NECAB1: variants seen among roughly 807,000 people sequenced by gnomAD.
The protein encoded by NECAB1 is N-terminal EF-hand calcium binding protein 1, also known as N-terminal EF-hand calcium-binding protein 1.
NECAB1 carries 29 observed loss-of-function variants against 57.5 expected under a neutral mutation model. That is an observed-to-expected ratio of 0.50 (90% CI 0.38 to 0.69). The LOEUF (loss-of-function observed/expected upper bound fraction) is 0.69, where lower values mean the gene tolerates loss of function less well. Ranked by LOEUF, NECAB1 falls within the 30% of genes least tolerant of loss-of-function variation. The pLI is 0.00. For synonymous variants in NECAB1, 142 were observed against 147.7 expected, an observed-to-expected ratio of 0.96 and a Z score of 0.28; for missense variants, 372 against 413.8, an observed-to-expected ratio of 0.90 and a Z score of 0.88.
At chr8:90,832,597 T>A (rs1216455369) in intron 3 of NECAB1, among the ~76,000 whole-genome samples, 1 of 152,164 alleles carries the variant, frequency 6.6e-6, no homozygotes, top group East Asian at 1.9e-4. Context: ...AAGGAAATGC[T>A]TAATTTCTAA....
intron 2 of NECAB1, among the ~76,000 whole-genome samples, chr8:90,802,952 A>T (rs7819690): frequency 3.9e-5 from 6 of 151,932 alleles, no homozygotes; most frequent in Admixed American, 3.9e-4. Context: ...ACTGGAGTGC[A>T]GTGGTGGGAT....
intron 5 of NECAB1, among the ~76,000 whole-genome samples, chr8:90,883,034 T>A (rs2931244): frequency 1.5e-4 from 23 of 152,302 alleles, no homozygotes; most frequent in African/African-American, 5.3e-4. Flanking sequence ...AAACAAGTTA[T>A]ATAATCTTCT....
At chr8:90,949,146 T>TTGTGTGTGTGTGTGTG (rs59311652) in intron 10 of NECAB1, among the ~76,000 whole-genome samples, 2 of 129,968 alleles carry the variant, frequency 1.5e-5, no homozygotes, top group African/African-American at 2.9e-5. Context: ...AACAGGCACT[T>TTGTGTGTGTGTGTGTG]TGTGTGTGTG....
At chr8:90,946,956 A>G (rs1171163057) in intron 10 of NECAB1, among the ~76,000 whole-genome samples, 1 of 152,166 alleles carries the variant, frequency 6.6e-6, no homozygotes, top group East Asian at 1.9e-4. Flanking sequence ...GGAGAGTACT[A>G]TTTGGGGAGG....
At chr8:90,942,049 T>A (rs1810682504) in intron 10 of NECAB1, among the ~76,000 whole-genome samples, 1 of 152,200 alleles carries the variant, frequency 6.6e-6, no homozygotes, top group Non-Finnish European at 1.5e-5. Flanking sequence ...GCTTTTCCTC[T>A]CAGTGTTCAA....
chr8:90,886,783 A>G (rs1485700361), intron 5 of NECAB1, among the ~76,000 whole-genome samples: 1 of 151,994 alleles, frequency 6.6e-6, no homozygotes, highest in African/African-American at 2.4e-5. Flanking sequence ...CTTTTATTGG[A>G]ATTTTCATTA....
rs1812022415 is a variant in NECAB1, at chr8:90,814,360, T to A, written c.125-10357T>A. On this transcript the variant is annotated intron_variant, in intron 2 of 12. Coordinates refer to ENST00000417640, the MANE Select transcript of NECAB1 (RefSeq NM_022351.5). ...GCTGAGGTAGCATTTGTCAGCTTTCTCCACTGGAAAGTTTACTCTTTCACC... is the reference window on the plus strand; with the variant it reads ...GCTGAGGTAGCATTTGTCAGCTTTCACCACTGGAAAGTTTACTCTTTCACC... Among the ~76,000 whole-genome samples the A allele has an allele frequency of 2.6e-5, 4 of 152,198 alleles. No homozygotes were observed. In the South Asian group the frequency reaches 8.3e-4, roughly 31 times the overall value.
chr8:90,890,979 A>C (rs574415092), intron 5 of NECAB1, among the ~76,000 whole-genome samples: 1 of 152,372 alleles, frequency 6.6e-6, no homozygotes, highest in African/African-American at 2.4e-5. Flanking sequence ...AAATCTGGAA[A>C]GTTATCATGG....
intron 1 of NECAB1, among the ~76,000 whole-genome samples, chr8:90,796,732 G>T (rs547965727): frequency 1.4e-4 from 22 of 152,194 alleles, no homozygotes; most frequent in Admixed American, 7.2e-4. Context: ...AGATTATTCT[G>T]GTACCATAAC....
intron 3 of NECAB1, among the ~76,000 whole-genome samples, chr8:90,862,346 A>G (rs957218532): frequency 1.3e-5 from 2 of 152,142 alleles, no homozygotes; most frequent in African/African-American, 4.8e-5. Context: ...TGGGAGGGAA[A>G]CAGAAGTTTC....
chr8:90,792,711 C>A (rs1278621053), intron 1 of NECAB1, among the ~76,000 whole-genome samples: 1 of 152,124 alleles, frequency 6.6e-6, no homozygotes. Flanking sequence ...CTTTCTTTTC[C>A]TTCTGTGCTG....
At chr8:90,823,680 A>G (rs988644791) in intron 2 of NECAB1, among the ~76,000 whole-genome samples, 4 of 151,856 alleles carry the variant, frequency 2.6e-5, no homozygotes, top group African/African-American at 9.7e-5. Flanking sequence ...CACTTTGTTC[A>G]GTATAGAGTT....
chr8:90,936,023 A>G (rs1242611608), intron 9 of NECAB1, among the ~76,000 whole-genome samples: 1 of 152,144 alleles, frequency 6.6e-6, no homozygotes, highest in African/African-American at 2.4e-5. Flanking sequence ...GTTTTTTCAG[A>G]AGTAACAATA....
chr8:90,920,767 C>G (rs1262700489), intron 6 of NECAB1, among the ~76,000 whole-genome samples: 1 of 152,136 alleles, frequency 6.6e-6, no homozygotes, highest in Non-Finnish European at 1.5e-5. Flanking sequence ...CAGCCCCTTC[C>G]TTGTTTATCT....
chr8:90,813,474 TATATTTTAATATGTTAAA>T (rs1812003062), intron 2 of NECAB1, among the ~76,000 whole-genome samples: 1 of 152,096 alleles, frequency 6.6e-6, no homozygotes, highest in South Asian at 2.1e-4. Flanking sequence ...CAGCTTTTAA[TATATTTTAATATGTTAAA>T]ATATTTTAAT....
chr8:90,879,062 T>TTATATATATAATATATATTATATATATTA (rs1808784852), intron 4 of NECAB1, among the ~76,000 whole-genome samples: 1 of 140,312 alleles, frequency 7.1e-6, no homozygotes, highest in African/African-American at 2.8e-5. Flanking sequence ...AATATATATC[T>TTATATATATAATATATATTATATATATTA]TATATATAAT....
intron 5 of NECAB1, among the ~76,000 whole-genome samples, chr8:90,900,866 G>A (rs1809484369): frequency 6.6e-6 from 1 of 152,062 alleles, no homozygotes; most frequent in African/African-American, 2.4e-5. Context: ...TCTTTTTGTT[G>A]TTTGTATAAT....
intron 4 of NECAB1, 107 bp from the exon 5 acceptor site, chr8:90,880,926 C>T: frequency 1.3e-6 from 1 of 743,698 alleles, no homozygotes; most frequent in East Asian, 2.9e-5. Flanking sequence ...TCACTTATAG[C>T]TGACATTTTG....
intron 10 of NECAB1, among the ~76,000 whole-genome samples, chr8:90,949,265 G>C (rs1194411950): frequency 5.9e-5 from 9 of 151,474 alleles, no homozygotes; most frequent in Non-Finnish European, 4.4e-5. Flanking sequence ...GAGCCACTAG[G>C]TATTGGCAAA....
Sources: allele counts gnomAD v4.1 joint callset (sites outside exome capture counted in the v4.1 genomes callset), GRCh38; gene constraint gnomAD v4.1.1; transcripts MANE v1.5; gene names NCBI Gene and HGNC (gene_info 2026-07-23, HGNC 2026-07-21).